OR3A2: variants seen among roughly 807,000 people sequenced by gnomAD.
OR3A2 encodes the protein olfactory receptor 3A2.
For missense variants in OR3A2, 318 were observed against 392.8 expected (o/e 0.81, Z 1.61); for synonymous variants, 126 against 159.3 (o/e 0.79, Z 1.57).
At chr17:3,303,566 C>G (rs180969365) in intron 3 of OR3A2, among the ~76,000 whole-genome samples, 191 of 151,766 alleles carry the variant, frequency 1.3e-3, no homozygotes, top group Admixed American at 2.3e-3. Flanking sequence ...ATGGTGAAAC[C>G]CCGTCTCTAC....
intron 2 of OR3A2, among the ~76,000 whole-genome samples, chr17:3,374,547 A>G (rs2049662754): frequency 1.3e-5 from 2 of 152,152 alleles, no homozygotes; most frequent in South Asian, 4.1e-4. Context: ...GAGCTCTGAC[A>G]TTCTTTCTTC....
Position 3,380,932 on chromosome 17 carries a change from G to A in OR3A2, c.-179+2872C>T, listed in dbSNP as rs1269478379. Among the ~76,000 whole-genome samples the A allele has an allele frequency of 5.3e-5, 8 of 152,204 alleles. No individual in the cohort carries two copies. The East Asian group carries it at 1.5e-3, about 29-fold the overall frequency. ...ATGTTTGCGTGTAAGATTCACGTGT[G>A]TGCCTCAGTGTGTCTGGGAGCATCT... On this transcript the variant is annotated intron_variant, in intron 2 of 4. Transcript: ENST00000573491.
chr17:3,367,609 A>AT (rs1232400574), intron 2 of OR3A2, among the ~76,000 whole-genome samples: 17 of 141,456 alleles, frequency 1.2e-4, no homozygotes, highest in South Asian at 4.4e-4. Context: ...GTGTATATAT[A>AT]TATATATATA....
chr17:3,341,470 A>C (rs1313712961), intron 2 of OR3A2, among the ~76,000 whole-genome samples: 1 of 152,054 alleles, frequency 6.6e-6, no homozygotes, highest in Non-Finnish European at 1.5e-5. Context: ...TGGTGACAAA[A>C]TCTCTCAGCA....
chr17:3,386,016 G>A lies in OR3A2; in HGVS notation c.-275+109C>T, dbSNP rs568278105. 68 of 398,660 alleles carry A rather than the reference G, an allele frequency of 1.7e-4. No individual in the cohort carries two copies. In the East Asian group the frequency reaches 2.4e-3, roughly 14 times the overall value. The allele number at this position is 398,660 out of a possible 1,614,324, so 24.7% of individuals were successfully genotyped here. ...CAGACGCCCACCCGCTGCTGTTCCT[G>A]CTCTGCCTTGGCATCTATCTGCTCA... On this transcript the variant is annotated intron_variant, in intron 1 of 4. Transcript: ENST00000573491.
At chr17:3,379,947 G>A (rs1054952088) in intron 2 of OR3A2, among the ~76,000 whole-genome samples, 6 of 152,180 alleles carry the variant, frequency 3.9e-5, no homozygotes, top group African/African-American at 1.4e-4. Flanking sequence ...AGGAGGGGAG[G>A]CTGCACTAGC....
rs1286791861 is a variant in OR3A2, at chr17:3,360,138, T to C, written c.-179+23666A>G. On this transcript the variant is annotated intron_variant, in intron 2 of 4. Coordinates refer to the OR3A2 transcript ENST00000573491. ...CTAACTGGTGTGACATGATATCTCA[T>C]TGTGGTTTTAATTTGCATTTCTCTG... 2.0e-5 allele frequency among the ~76,000 whole-genome samples: 3 copies of C among 151,992 alleles called. No homozygotes were observed. In the East Asian group the frequency reaches 5.8e-4, roughly 29 times the overall value.
intron 3 of OR3A2, among the ~76,000 whole-genome samples, chr17:3,296,338 G>A (rs925457994): frequency 3.3e-5 from 5 of 152,124 alleles, no homozygotes; most frequent in Non-Finnish European, 1.5e-5. Flanking sequence ...GATTAAATCA[G>A]TGTTCAGAAA....
At chr17:3,358,860 T>C (rs1296343169) in intron 2 of OR3A2, among the ~76,000 whole-genome samples, 3 of 151,758 alleles carry the variant, frequency 2.0e-5, no homozygotes, top group East Asian at 1.9e-4. Context: ...TGATGATCTG[T>C]CTAATACTGT....
chr17:3,281,528 C>T (rs1323857303), intron 1 of OR3A2, among the ~76,000 whole-genome samples: 1 of 152,128 alleles, frequency 6.6e-6, no homozygotes, highest in East Asian at 1.9e-4. Context: ...GGCACCGCGC[C>T]CGGCAGCATC....
chr17:3,293,337 TA>T (rs1275480142), intron 3 of OR3A2, among the ~76,000 whole-genome samples: 1 of 152,144 alleles, frequency 6.6e-6, no homozygotes, highest in Non-Finnish European at 1.5e-5. Flanking sequence ...AGATAAAGCA[TA>T]AAACTGGAGG....
chr17:3,329,381 A>T (rs1345182456), intron 3 of OR3A2, among the ~76,000 whole-genome samples: 3 of 150,344 alleles, frequency 2.0e-5, no homozygotes, highest in Non-Finnish European at 3.0e-5. Context: ...TATTGCCACA[A>T]TTTCAGCTCC....
intron 2 of OR3A2, among the ~76,000 whole-genome samples, chr17:3,376,705 C>G (rs2049687931): frequency 1.3e-5 from 2 of 152,128 alleles, no homozygotes; most frequent in South Asian, 4.1e-4. Context: ...CTACCAGCCT[C>G]CCCACTGAGA....
chr17:3,371,915 G>A (rs1407759352), intron 2 of OR3A2, among the ~76,000 whole-genome samples: 11 of 148,492 alleles, frequency 7.4e-5, no homozygotes, highest in Non-Finnish European at 9.0e-5. Context: ...GCGGCTGGCC[G>A]GGCGGGGGCT....
At chr17:3,297,776 A>G (rs2048931608) in intron 3 of OR3A2, among the ~76,000 whole-genome samples, 1 of 152,210 alleles carries the variant, frequency 6.6e-6, no homozygotes, top group Admixed American at 6.5e-5. Flanking sequence ...TGACCGTAAG[A>G]GCAACAATAT....
chr17:3,306,554 G>C (rs1433070660), intron 3 of OR3A2, among the ~76,000 whole-genome samples: 3 of 151,858 alleles, frequency 2.0e-5, no homozygotes, highest in Non-Finnish European at 2.9e-5. Flanking sequence ...GAGTGTTTGT[G>C]GGGGGTGGGG....
At chr17:3,307,093 G>A (rs564366522) in intron 3 of OR3A2, among the ~76,000 whole-genome samples, 1 of 152,314 alleles carries the variant, frequency 6.6e-6, no homozygotes, top group Admixed American at 6.5e-5. Context: ...GTGTCTGGGA[G>A]GGAGATAAAA....
chr17:3,279,773 G>A (rs1266292835), intron 1 of OR3A2, among the ~76,000 whole-genome samples: 27 of 152,092 alleles, frequency 1.8e-4, no homozygotes, highest in Admixed American at 1.3e-3. Context: ...GGGTGACAGA[G>A]CGAGGCTCCA....
At chr17:3,291,451 T>C (rs1333149029) in intron 3 of OR3A2, 2 of 553,804 alleles carry the variant, frequency 3.6e-6, no homozygotes, top group Non-Finnish European at 6.3e-6. Flanking sequence ...GCAGATCCTA[T>C]ACACTCATTG....
Sources: allele counts gnomAD v4.1 joint callset (sites outside exome capture counted in the v4.1 genomes callset), GRCh38; gene constraint gnomAD v4.1.1; transcripts MANE v1.5; gene names NCBI Gene and HGNC (gene_info 2026-07-23, HGNC 2026-07-21).